The following CEP120 variants were observed in gnomAD, a reference collection of about 807,000 sequenced individuals.
The protein encoded by CEP120 is centrosomal protein of 120 kDa.
Under a neutral mutation model 126.5 loss-of-function variants are expected in CEP120, and 113 were observed. That is an observed-to-expected ratio of 0.89 (90% CI 0.77 to 1.04). The LOEUF is 1.04. Ranked by LOEUF, CEP120 falls within the 50% of genes least tolerant of loss-of-function variation. The pLI is 0.00. For missense variants in CEP120, 1,230 were observed against 1,155.7 expected, an observed-to-expected ratio of 1.06 and a Z score of -0.93; for synonymous variants, 400 against 394.3, an observed-to-expected ratio of 1.01 and a Z score of -0.17.
chr5:123,353,568 T>C (rs1378541672), intron 18 of CEP120, among the ~76,000 whole-genome samples: 5 of 151,844 alleles, frequency 3.3e-5, no homozygotes, highest in Non-Finnish European at 7.4e-5. Flanking sequence ...GTAAGATTAG[T>C]GTTATTTCTT....
chr5:123,417,375 G>A (rs1774454754), intron 2 of CEP120, among the ~76,000 whole-genome samples: 1 of 151,900 alleles, frequency 6.6e-6, no homozygotes, highest in South Asian at 2.1e-4. Context: ...TTTTCCAGAA[G>A]AAAATATATT....
At chr5:123,348,700 G>T (rs563021263) in intron 19 of CEP120, among the ~76,000 whole-genome samples, 1 of 152,282 alleles carries the variant, frequency 6.6e-6, no homozygotes, top group East Asian at 1.9e-4. Flanking sequence ...TCTGAACTGT[G>T]TCCCTGTCAA....
intron 1 of CEP120, among the ~76,000 whole-genome samples, chr5:123,421,653 A>G (rs1774723492): frequency 7.6e-6 from 1 of 131,866 alleles, no homozygotes; most frequent in Admixed American, 9.4e-5. Context: ...TTTAAATATT[A>G]TACCCCAACA....
At chr5:123,415,821 A>G (rs1031523020) in intron 3 of CEP120, among the ~76,000 whole-genome samples, 189 bp downstream of exon 3, 2 of 152,060 alleles carry the variant, frequency 1.3e-5, no homozygotes, top group Non-Finnish European at 2.9e-5. Flanking sequence ...GCAGTGAGCC[A>G]AGATTGTGCT....
intron 19 of CEP120, among the ~76,000 whole-genome samples, chr5:123,347,805 C>T (rs955360153): frequency 2.0e-5 from 3 of 152,020 alleles, no homozygotes; most frequent in African/African-American, 2.4e-5. Flanking sequence ...CCACCACACC[C>T]GGCTAAATTT....
intron 5 of CEP120, 35 bp downstream of exon 5, chr5:123,399,101 T>C: frequency 6.8e-7 from 1 of 1,471,530 alleles, no homozygotes; most frequent in Non-Finnish European, 9.1e-7. Flanking sequence ...GTTTTCAAAT[T>C]ATTCGTAAGT....
rs1412989621 is a variant in CEP120, at chr5:123,346,249, AAGTT to A, written c.*266_*269del. The A allele has an allele frequency of 6.2e-6, 2 of 320,302 alleles. No individual in the cohort carries two copies. The highest frequency in any genetic ancestry group is 7.2e-5 in the South Asian group (1 of 13,974). 19.8% of individuals were successfully genotyped at this position (320,302 alleles called of 1,614,324 possible). ...CAAACTTAGTTAAAAGCTGTTTTGA[AAGTT>A]AGTTAGCCATCAGATTATAAACTAT... is the stretch of plus-strand genomic sequence containing the variant. On this transcript the variant is annotated 3_prime_UTR_variant, in exon 20 of 20. Transcript: ENST00000306467.
rs6895901 is a variant in CEP120 at position 123,382,324 on chromosome 5, C to A, written c.2014-124G>T. 0.053 allele frequency: 8,076 copies of A among 153,352 alleles called. 384 individuals are homozygous for A. The highest frequency in any genetic ancestry group is 0.19 in the African/African-American group (5,699 of 29,780). 9.5% of individuals were successfully genotyped at this position (153,352 alleles called of 1,614,324 possible). The stretch of plus-strand genomic sequence containing the variant: ...ATTTTTTCAGGCATTCTTTTTTATT[C>A]TAAAAAAAAAAAAAAAAAAAAGGAG... On this transcript the variant is annotated intron_variant, in intron 13 of 19. Coordinates refer to ENST00000306467, the MANE Select transcript of CEP120 (RefSeq NM_001375405.1).
intron 4 of CEP120, chr5:123,403,820 T>C: frequency 3.2e-6 from 1 of 311,224 alleles, no homozygotes; most frequent in Non-Finnish European, 6.3e-6. Context: ...TGGCCTGCAA[T>C]CTTCAAAATT....
At chr5:123,405,457 G>A (rs1039455724) in intron 4 of CEP120, among the ~76,000 whole-genome samples, 6 of 152,168 alleles carry the variant, frequency 3.9e-5, no homozygotes, top group East Asian at 3.8e-4. Context: ...GCCTGCCCTC[G>A]GAGAAACTAT....
At chr5:123,361,944 A>G (rs1770108073) in intron 18 of CEP120, among the ~76,000 whole-genome samples, 1 of 151,824 alleles carries the variant, frequency 6.6e-6, no homozygotes, top group Non-Finnish European at 1.5e-5. Context: ...AGGTAGAACC[A>G]AAATTCAACC....
intron 4 of CEP120, 50 bp from the exon 5 acceptor site, chr5:123,399,334 A>C: frequency 6.5e-7 from 1 of 1,546,630 alleles, no homozygotes; most frequent in Non-Finnish European, 8.8e-7. Context: ...GTCATAAACC[A>C]TTATAAGATT....
intron 1 of CEP120, among the ~76,000 whole-genome samples, chr5:123,419,553 C>CAAAAAAAAAAAAAAAAAAAAAAAA (rs566909063): frequency 7.4e-6 from 1 of 135,256 alleles, no homozygotes. Flanking sequence ...AAAACAAAAA[C>CAAAAAAAAAAAAAAAAAAAAAAAA]AAAAAAAAAA....
intron 11 of CEP120, among the ~76,000 whole-genome samples, 177 bp from the exon 12 acceptor site, chr5:123,383,259 T>C (rs560581498): frequency 2.4e-4 from 36 of 152,212 alleles, no homozygotes; most frequent in African/African-American, 7.2e-4. Context: ...TATATATAAA[T>C]TGATCATCAC....
Position 123,350,019 on chromosome 5 carries a change from T to G in CEP120, c.2651A>C (p.Tyr884Ser). ...TGTATCTTTTTCCTCAGCGGCAAGGTAACGTAGTCTCATCTGTTCCAATTC... is the reference window on the plus strand; with the variant it reads ...TGTATCTTTTTCCTCAGCGGCAAGGGAACGTAGTCTCATCTGTTCCAATTC... The part of the protein sequence containing the change: ...QEELEQMRLR[Y>S]LAAEEKDTVK... Residue 884 changes from tyrosine (Y) to serine (S), a missense_variant, in exon 19 of 20, where the codon TAC becomes TCC. Transcript: ENST00000306467. 7 of 1,613,732 alleles carry G rather than the reference T, an allele frequency of 4.3e-6. No individual in the cohort carries two copies. Among genetic ancestry groups the G allele is most frequent in the Non-Finnish European group, 5.9e-6 (7 of 1,179,832 alleles).
chr5:123,367,409 T>C, intron 17 of CEP120, among the ~76,000 whole-genome samples: 1 of 151,908 alleles, frequency 6.6e-6, no homozygotes, highest in South Asian at 2.1e-4. Flanking sequence ...GCTATATTTA[T>C]ATATATATGT....
chr5:123,383,140 CT>C, intron 11 of CEP120, 58 bp from the exon 12 acceptor site: 1 of 1,028,824 alleles, frequency 9.7e-7, no homozygotes, highest in Non-Finnish European at 1.4e-6. Context: ...ATTATTTTTC[CT>C]TTTATTTCCC....
intron 17 of CEP120, among the ~76,000 whole-genome samples, chr5:123,368,913 ATT>A (rs559594389): frequency 6.6e-6 from 1 of 151,924 alleles, no homozygotes; most frequent in Non-Finnish European, 1.5e-5. Flanking sequence ...ACTCTTCTCA[ATT>A]TTTTGTTTTA....
At chr5:123,365,618 T>G (rs1051516868) in intron 17 of CEP120, among the ~76,000 whole-genome samples, 1 of 151,692 alleles carries the variant, frequency 6.6e-6, no homozygotes, top group South Asian at 2.1e-4. Context: ...TCCCTAGTGC[T>G]TGGATTTAAA....
Sources: allele counts gnomAD v4.1 joint callset (sites outside exome capture counted in the v4.1 genomes callset), GRCh38; gene constraint gnomAD v4.1.1; transcripts MANE v1.5; gene names NCBI Gene and HGNC (gene_info 2026-07-23, HGNC 2026-07-21).